PHF24: variants seen among roughly 807,000 people sequenced by gnomAD.
PHF24 encodes PHD finger protein 24, also known as Galpha inhibitory interacting protein.
PHF24 carries 25 observed loss-of-function variants against 42.6 expected under a neutral mutation model. The ratio of observed to expected loss-of-function variants is 0.59; its 90% confidence interval spans 0.43 to 0.82. The LOEUF (loss-of-function observed/expected upper bound fraction) is 0.82, where lower values mean the gene tolerates loss of function less well. Among genes scored for constraint, PHF24 ranks in the 40% least tolerant of loss-of-function variants. The probability of loss-of-function intolerance (pLI) is 0.00; values close to 1 mark genes in which losing one functional copy is unlikely to be tolerated. For synonymous variants in PHF24, 185 were observed against 204.8 expected, an observed-to-expected ratio of 0.90 and a Z score of 0.83; for missense variants, 470 against 538.1, an observed-to-expected ratio of 0.87 and a Z score of 1.25.
the PHF24 span, among the ~76,000 whole-genome samples, chr9:34,746,274 T>C: frequency 6.6e-6 from 1 of 152,224 alleles, no homozygotes. Flanking sequence ...CAGTCTCTGA[T>C]TGAACTATGG....
the PHF24 span, among the ~76,000 whole-genome samples, chr9:34,850,866 C>T: frequency 1.3e-5 from 2 of 152,222 alleles, no homozygotes; most frequent in Non-Finnish European, 2.9e-5. Flanking sequence ...AGGTCCACTC[C>T]AGACCCTGTT....
chr9:34,856,932 G>A, the PHF24 span, among the ~76,000 whole-genome samples: 1 of 152,234 alleles, frequency 6.6e-6, no homozygotes, highest in Non-Finnish European at 1.5e-5. Flanking sequence ...AGAGATCAGA[G>A]TTCTGTACAT....
the PHF24 span, chr9:34,691,244 A>G: frequency 5.4e-6 from 5 of 934,426 alleles, no homozygotes; most frequent in Non-Finnish European, 8.3e-6. Context: ...GCAGGGGTGA[A>G]ATGCAAGGTG....
At chr9:34,766,428 C>T in the PHF24 span, among the ~76,000 whole-genome samples, 2 of 152,114 alleles carry the variant, frequency 1.3e-5, no homozygotes, top group Non-Finnish European at 1.5e-5. Flanking sequence ...CTAAACTTCC[C>T]TTCTCGCTTC....
chr9:34,835,123 G>T, the PHF24 span: 1 of 1,538,812 alleles, frequency 6.5e-7, no homozygotes. Context: ...GAGCCATAGG[G>T]TTTGGAGTTT....
chr9:34,917,439 CT>C, the PHF24 span: 1 of 768,710 alleles, frequency 1.3e-6, no homozygotes, highest in Non-Finnish European at 2.4e-6. Flanking sequence ...TTTAAGGACC[CT>C]TTCCGTAAGG....
chr9:34,766,600 G>A, the PHF24 span, among the ~76,000 whole-genome samples: 22 of 152,044 alleles, frequency 1.4e-4, no homozygotes, highest in Middle Eastern at 3.2e-3. Context: ...TTATACATTC[G>A]TCTAAATTTT....
At chr9:34,720,337 C>G in the PHF24 span, among the ~76,000 whole-genome samples, 14 of 151,582 alleles carry the variant, frequency 9.2e-5, no homozygotes, top group East Asian at 5.9e-4. Flanking sequence ...CCCAGCTACT[C>G]GGGAGGCTGA....
the PHF24 span, among the ~76,000 whole-genome samples, chr9:34,695,227 T>C: frequency 6.6e-6 from 1 of 152,204 alleles, no homozygotes; most frequent in African/African-American, 2.4e-5. Context: ...TAATCAATTA[T>C]ACCTAGGTAC....
At chr9:34,958,172 C>G (rs1826438653), upstream of PHF24, 1 of 148,554 alleles carries the variant, frequency 6.7e-6, no homozygotes, top group Non-Finnish European at 1.5e-5. This position sits in a 1 kb window ranked among gnomAD's most constrained non-coding sequence, Gnocchi z 4.5. Context: ...GGGCACCTCG[C>G]GCGGGTGCAC....
At chr9:34,875,790 T>C in the PHF24 span, among the ~76,000 whole-genome samples, 1 of 152,002 alleles carries the variant, frequency 6.6e-6, no homozygotes, top group African/African-American at 2.4e-5. Context: ...CACCTAATCA[T>C]AGAGCACATC....
chr9:34,980,735 A>G lies in PHF24; in HGVS notation c.*2624A>G, dbSNP rs534591699. 6.6e-5 allele frequency: 10 copies of G among 152,346 alleles called. No individual in the cohort carries two copies. In the East Asian group the frequency reaches 1.9e-3, roughly 29 times the overall value. The allele number at this position is 152,346 out of a possible 1,614,324, so 9.4% of individuals were successfully genotyped here. A position where few individuals can be genotyped will look rare whatever the true frequency, so the allele number is the denominator to read the frequency against. ...CTGTGACTCTGAAATTCTGCCAAGTACAAATATTAGCGTTTGGCTCTAATA... is the reference window on the plus strand; with the variant it reads ...CTGTGACTCTGAAATTCTGCCAAGTGCAAATATTAGCGTTTGGCTCTAATA... On this transcript the variant is annotated 3_prime_UTR_variant, in exon 8 of 8. Transcript: ENST00000242315.
the PHF24 span, chr9:34,723,470 G>A: frequency 6.4e-7 from 1 of 1,551,822 alleles, no homozygotes; most frequent in Non-Finnish European, 8.7e-7. Flanking sequence ...AGGGCTCTTG[G>A]CTGGAGCCAG....
the PHF24 span, among the ~76,000 whole-genome samples, chr9:34,881,603 A>C: frequency 3.3e-5 from 5 of 152,226 alleles, no homozygotes; most frequent in Non-Finnish European, 5.9e-5. Context: ...ATAAACTAGA[A>C]AATCTAGAAG....
chr9:34,698,057 G>A, the PHF24 span, among the ~76,000 whole-genome samples: 1 of 152,152 alleles, frequency 6.6e-6, no homozygotes, highest in Non-Finnish European at 1.5e-5. Flanking sequence ...GGTGTTCCTA[G>A]TAATGAAATA....
At chr9:34,919,550 C>A in the PHF24 span, among the ~76,000 whole-genome samples, 1 of 152,016 alleles carries the variant, frequency 6.6e-6, no homozygotes, top group Non-Finnish European at 1.5e-5. Flanking sequence ...TTTATCATTT[C>A]TTTGTGTTCC....
At chr9:34,711,288 C>T in the PHF24 span, among the ~76,000 whole-genome samples, 1 of 151,146 alleles carries the variant, frequency 6.6e-6, no homozygotes, top group Non-Finnish European at 1.5e-5. Flanking sequence ...GCTTTGTCAC[C>T]CAGGCTGGAG....
At chr9:34,687,023 G>A in the PHF24 span, among the ~76,000 whole-genome samples, 1 of 151,862 alleles carries the variant, frequency 6.6e-6, no homozygotes, top group Non-Finnish European at 1.5e-5. Flanking sequence ...AGATAAGGGG[G>A]TAAGACCCAG....
the PHF24 span, among the ~76,000 whole-genome samples, chr9:34,761,620 T>G: frequency 6.6e-6 from 1 of 152,278 alleles, no homozygotes; most frequent in South Asian, 2.1e-4. Context: ...TGGTTGCTAT[T>G]AGAGACTGGT....
Sources: allele counts gnomAD v4.1 joint callset (sites outside exome capture counted in the v4.1 genomes callset), GRCh38; gene constraint gnomAD v4.1.1; non-coding constraint Gnocchi (gnomAD v3.1); transcripts MANE v1.5; gene names NCBI Gene and HGNC (gene_info 2026-07-23, HGNC 2026-07-21).